The following ADGRL3 variants were observed in gnomAD, a reference collection of about 807,000 sequenced individuals.
The protein encoded by ADGRL3 is adhesion G protein-coupled receptor L3.
A neutral mutation model predicts 153.5 loss-of-function variants in ADGRL3; 62 were observed. The observed-to-expected ratio is 0.40, with a 90% CI of 0.33 to 0.50. ADGRL3 has a LOEUF of 0.50. ADGRL3 is among the 20% of genes least tolerant of loss of function. ADGRL3 has a pLI of 0.47. For synonymous variants in ADGRL3, 710 were observed against 672.5 expected (o/e 1.06, Z -0.86); for missense variants, 1,641 against 1,859.4 (o/e 0.88, Z 2.16).
At chr4:61,966,556 GA>G (rs1269053789) in intron 17 of ADGRL3, among the ~76,000 whole-genome samples, 2 of 150,276 alleles carry the variant, frequency 1.3e-5, no homozygotes, top group African/African-American at 4.9e-5. Flanking sequence ...ACACCTTTAA[GA>G]AGTACTTTCA....
At position 61,471,561 on chromosome 4, in the gene ADGRL3, A is replaced by G. The variant is rs1038502348; in HGVS notation, c.-173-25560A>G. 3.3e-5 allele frequency among the ~76,000 whole-genome samples: 5 copies of G among 152,010 alleles called. No homozygotes were observed. The East Asian group carries it at 5.8e-4, about 18-fold the overall frequency. ...AAAAGCTGTGATTTTGAAAAAGGCT[A>G]CAGAAGTGATTCTTGATCTTTTAAG... On this transcript the variant is annotated intron_variant, in intron 2 of 26. Transcript: ENST00000683033.
chr4:61,600,674 C>T (rs1272672897), intron 5 of ADGRL3, among the ~76,000 whole-genome samples: 2 of 152,112 alleles, frequency 1.3e-5, no homozygotes, highest in Admixed American at 6.6e-5. Context: ...TAGAGATCAA[C>T]GTTTTTACAT....
chr4:62,045,665 A>G, intron 25 of ADGRL3, among the ~76,000 whole-genome samples: 1 of 151,908 alleles, frequency 6.6e-6, no homozygotes, highest in Admixed American at 6.6e-5. Context: ...TGATGCAGGG[A>G]TCCATGTTTT....
chr4:61,955,045 C>T (rs2098961080), intron 17 of ADGRL3, among the ~76,000 whole-genome samples: 1 of 152,170 alleles, frequency 6.6e-6, no homozygotes, highest in African/African-American at 2.4e-5. Flanking sequence ...AATAGGAGCA[C>T]TGAAGCTTTT....
intron 24 of ADGRL3, among the ~76,000 whole-genome samples, chr4:62,041,209 C>T (rs1280325648): frequency 1.3e-5 from 2 of 151,978 alleles, no homozygotes; most frequent in Admixed American, 6.6e-5. Context: ...AAGACTAAAA[C>T]GTAAAAATCC....
chr4:61,229,117 T>C (rs1749339891), intron 1 of ADGRL3, among the ~76,000 whole-genome samples: 1 of 152,190 alleles, frequency 6.6e-6, no homozygotes, highest in African/African-American at 2.4e-5. Context: ...AGGTGAGGGC[T>C]GTGATCTTCT....
intron 1 of ADGRL3, among the ~76,000 whole-genome samples, chr4:61,249,323 C>T (rs562376848): frequency 6.6e-6 from 1 of 152,246 alleles, no homozygotes; most frequent in African/African-American, 2.4e-5. Flanking sequence ...GGGGCCTAGA[C>T]AGTACAGAAA....
chr4:62,015,673 A>G (rs896581860), intron 21 of ADGRL3, among the ~76,000 whole-genome samples: 1 of 152,060 alleles, frequency 6.6e-6, no homozygotes, highest in Non-Finnish European at 1.5e-5. Context: ...CATATCCCTT[A>G]ATTTTCACAG....
intron 4 of ADGRL3, among the ~76,000 whole-genome samples, chr4:61,545,485 T>C (rs982931571): frequency 2.6e-5 from 4 of 152,164 alleles, no homozygotes; most frequent in African/African-American, 9.6e-5. Flanking sequence ...CTCAAACGCA[T>C]TTCCTCCGCC....
chr4:61,846,892 A>G (rs1002842193), intron 9 of ADGRL3, among the ~76,000 whole-genome samples: 2 of 150,986 alleles, frequency 1.3e-5, no homozygotes, highest in Non-Finnish European at 2.9e-5. Flanking sequence ...ACGAGATCTC[A>G]TAAGAACTCA....
Position 62,028,781 on chromosome 4 carries a change from A to AT in ADGRL3, c.3396-69dup, listed in dbSNP as rs1241323886. 5 of 1,290,356 alleles carry AT rather than the reference A, an allele frequency of 3.9e-6. No homozygotes were observed. The African/African-American group carries it at 7.4e-5, about 19-fold the overall frequency. The allele number at this position is 1,290,356 out of a possible 1,614,324, so 79.9% of individuals were successfully genotyped here. A position where few individuals can be genotyped will look rare whatever the true frequency, so the allele number is the denominator to read the frequency against. ...AGAGGCCTTTGGGGACCAGGAGAATATTTTTCATATGAAATTCTTTGTCAT... is the reference window on the plus strand; with the variant it reads ...AGAGGCCTTTGGGGACCAGGAGAATATTTTTTCATATGAAATTCTTTGTCAT... On this transcript the variant is annotated intron_variant, in intron 21 of 26. Transcript: ENST00000683033.
intron 21 of ADGRL3, among the ~76,000 whole-genome samples, chr4:62,005,603 G>A (rs2099154639): frequency 6.6e-6 from 1 of 152,030 alleles, no homozygotes; most frequent in African/African-American, 2.4e-5. Context: ...TTTTTATAGA[G>A]CTTAGACTCA....
chr4:61,220,605 G>A (rs140853063), intron 1 of ADGRL3, among the ~76,000 whole-genome samples: 72 of 152,242 alleles, frequency 4.7e-4, no homozygotes, highest in African/African-American at 1.7e-3. Context: ...GTAGAAAAAG[G>A]GAGTGGAACA....
chr4:61,205,484 G>A (rs969434035), intron 1 of ADGRL3, among the ~76,000 whole-genome samples: 1 of 152,102 alleles, frequency 6.6e-6, no homozygotes, highest in Non-Finnish European at 1.5e-5. Context: ...TCCTAGATTT[G>A]CATTATATTC....
At chr4:61,485,341 T>C (rs2098178569) in intron 2 of ADGRL3, among the ~76,000 whole-genome samples, 1 of 152,352 alleles carries the variant, frequency 6.6e-6, no homozygotes, top group East Asian at 1.9e-4. Flanking sequence ...AGACTTATTA[T>C]ACAGATATCC....
At chr4:62,008,535 T>C (rs951846700) in intron 21 of ADGRL3, among the ~76,000 whole-genome samples, 5 of 152,088 alleles carry the variant, frequency 3.3e-5, no homozygotes, top group African/African-American at 1.2e-4. Flanking sequence ...TCATGGTTCA[T>C]AAGTATTCAG....
At chr4:61,291,204 A>ACG (rs1312020838) in intron 1 of ADGRL3, among the ~76,000 whole-genome samples, 688 of 27,668 alleles carry the variant, frequency 0.025, 7 homozygotes, top group African/African-American at 0.03. Flanking sequence ...ACACACACAC[A>ACG]CACACACACA....
intron 5 of ADGRL3, among the ~76,000 whole-genome samples, chr4:61,646,981 C>T (rs978627291): frequency 5.9e-5 from 9 of 152,170 alleles, no homozygotes; most frequent in Admixed American, 2.0e-4. Context: ...TCTCCTGGTG[C>T]GCCGTTTTTT....
chr4:61,620,414 G>A (rs1280980817), intron 5 of ADGRL3, among the ~76,000 whole-genome samples: 4 of 152,164 alleles, frequency 2.6e-5, no homozygotes, highest in African/African-American at 9.6e-5. Context: ...ATGTCTAAGG[G>A]AGTTATGGTA....
Sources: gnomAD v4.1 joint callset for allele counts (sites outside exome capture counted in the v4.1 genomes callset) on GRCh38, gnomAD v4.1.1 for gene constraint, MANE v1.5 for transcripts, NCBI Gene and HGNC (gene_info 2026-07-23, HGNC 2026-07-21) for gene names.